Variants in PCCA observed in about 807,000 individuals in gnomAD.
PCCA encodes the protein propionyl-CoA carboxylase alpha chain, mitochondrial.
Under a neutral mutation model 101.3 loss-of-function variants are expected in PCCA, and 74 were observed. The observed-to-expected ratio is 0.73, with a 90% CI of 0.61 to 0.89. The LOEUF (loss-of-function observed/expected upper bound fraction) is 0.89, where lower values mean the gene tolerates loss of function less well. Among genes scored for constraint, PCCA ranks in the 40% least tolerant of loss-of-function variants. The probability of loss-of-function intolerance (pLI) is 0.00; values close to 1 mark genes in which losing one functional copy is unlikely to be tolerated. For missense variants in PCCA, 891 were observed against 907.0 expected, an observed-to-expected ratio of 0.98 and a Z score of 0.23; for synonymous variants, 294 against 313.6, an observed-to-expected ratio of 0.94 and a Z score of 0.66.
chr13:100,232,979 A>G (rs915481609), intron 7 of PCCA, among the ~76,000 whole-genome samples: 4 of 152,166 alleles, frequency 2.6e-5, no homozygotes, highest in Non-Finnish European at 2.9e-5. Flanking sequence ...AAAGGCTAAT[A>G]TTTCATTTTA....
chr13:100,218,403 A>G (rs1214271967), intron 7 of PCCA, among the ~76,000 whole-genome samples: 16 of 150,496 alleles, frequency 1.1e-4, no homozygotes, highest in Admixed American at 2.0e-4. Flanking sequence ...ACTGGTCTTG[A>G]ACTCCTGACC....
intron 6 of PCCA, among the ~76,000 whole-genome samples, chr13:100,159,331 C>T (rs923288666): frequency 4.6e-5 from 7 of 151,778 alleles, no homozygotes; most frequent in Admixed American, 6.6e-5. Flanking sequence ...TGTCGTGATC[C>T]GCCCACCTCA....
chr13:100,516,929 GGTTTT>G (rs1188616292), intron 22 of PCCA, among the ~76,000 whole-genome samples: 4 of 151,922 alleles, frequency 2.6e-5, no homozygotes, highest in South Asian at 2.1e-4. Flanking sequence ...ACAATATAAG[GGTTTT>G]GTTTTGTTTT....
intron 6 of PCCA, among the ~76,000 whole-genome samples, chr13:100,175,908 T>C (rs1189180964): frequency 2.0e-5 from 3 of 152,212 alleles, no homozygotes; most frequent in African/African-American, 7.2e-5. Flanking sequence ...CATGGCAGAC[T>C]TCGTTAAAGT....
intron 5 of PCCA, among the ~76,000 whole-genome samples, chr13:100,155,496 C>T (rs1594417329): frequency 6.6e-6 from 1 of 152,152 alleles, no homozygotes; most frequent in African/African-American, 2.4e-5. Flanking sequence ...ATTACTTATA[C>T]CTAGTACACT....
chr13:100,187,713 CA>C (rs1161213566), intron 6 of PCCA, among the ~76,000 whole-genome samples: 1 of 151,978 alleles, frequency 6.6e-6, no homozygotes, highest in Non-Finnish European at 1.5e-5. Flanking sequence ...GGTACATGTG[CA>C]AGTTCGTTAC....
At chr13:100,150,791 G>A in intron 4 of PCCA, 1 of 1,586,278 alleles carries the variant, frequency 6.3e-7, no homozygotes, top group Non-Finnish European at 8.6e-7. Flanking sequence ...TTGCTCCTCT[G>A]CAACGGACTG....
chr13:100,381,191 T>G (rs1241388980), intron 19 of PCCA, among the ~76,000 whole-genome samples: 1 of 152,122 alleles, frequency 6.6e-6, no homozygotes, highest in Non-Finnish European at 1.5e-5. Context: ...GAGACTGTCT[T>G]GGCTAACACA....
chr13:100,513,023 C>T (rs1341721704), intron 21 of PCCA, among the ~76,000 whole-genome samples: 1 of 152,188 alleles, frequency 6.6e-6, no homozygotes, highest in Admixed American at 6.5e-5. Context: ...TTTTCTGGGG[C>T]ATCAAAAAGC....
At chr13:100,251,207 G>C (rs2061731362) in intron 8 of PCCA, among the ~76,000 whole-genome samples, 1 of 152,158 alleles carries the variant, frequency 6.6e-6, no homozygotes, top group African/African-American at 2.4e-5. Context: ...ATTTATAAGA[G>C]TTTCATACTA....
At chr13:100,400,534 A>G (rs2077275512) in intron 19 of PCCA, among the ~76,000 whole-genome samples, 1 of 150,924 alleles carries the variant, frequency 6.6e-6, no homozygotes, top group African/African-American at 2.4e-5. Context: ...CTTTGTGTCT[A>G]TATGTGACTA....
intron 20 of PCCA, among the ~76,000 whole-genome samples, chr13:100,442,892 A>AGGCTCT (rs1339593050): frequency 6.6e-6 from 1 of 152,130 alleles, no homozygotes; most frequent in African/African-American, 2.4e-5. Context: ...GGCAAAGCAG[A>AGGCTCT]GGCTCTGAAA....
At chr13:100,307,057 C>T (rs536729102) in intron 14 of PCCA, 135 bp from the exon 15 acceptor site, 23 of 681,718 alleles carry the variant, frequency 3.4e-5, no homozygotes, top group Non-Finnish European at 5.6e-5. Flanking sequence ...GATTGTTTTC[C>T]TATTTTCCAG....
At chr13:100,343,651 G>A (rs1039408324) in intron 18 of PCCA, among the ~76,000 whole-genome samples, 2 of 152,224 alleles carry the variant, frequency 1.3e-5, no homozygotes, top group African/African-American at 4.8e-5. Context: ...GAGTTTTATT[G>A]TTCTAAAACT....
intron 20 of PCCA, among the ~76,000 whole-genome samples, chr13:100,446,560 AG>A (rs1279538336): frequency 1.6e-4 from 24 of 152,204 alleles, no homozygotes; most frequent in African/African-American, 5.8e-4. Flanking sequence ...TGCCCAACAC[AG>A]TTGAGAGGTA....
At chr13:100,180,284 A>G (rs1175914394) in intron 6 of PCCA, among the ~76,000 whole-genome samples, 1 of 152,218 alleles carries the variant, frequency 6.6e-6, no homozygotes, top group Non-Finnish European at 1.5e-5. Flanking sequence ...TCTCTTGGGC[A>G]TCCACCTGTA....
chr13:100,330,011 G>T (rs531714079), intron 16 of PCCA, among the ~76,000 whole-genome samples: 1 of 152,288 alleles, frequency 6.6e-6, no homozygotes, highest in East Asian at 1.9e-4. Flanking sequence ...AAATTTGAAT[G>T]AGTTGGGCTA....
In PCCA at chr13:100,425,700, T is replaced by C. The variant is rs2079095215; in HGVS notation, c.1814T>C (p.Val605Ala). 1 of 1,613,776 alleles carries C rather than the reference T, an allele frequency of 6.2e-7. No homozygotes were observed. The highest frequency in any genetic ancestry group is 1.1e-5 in the South Asian group (1 of 91,070). Residue 605 changes from valine (V) to alanine (A), a missense_variant, in exon 20 of 24, where the codon GTC becomes GCC. Physicochemically the swap from Val to Ala is moderately conservative, Grantham distance 64 (BLOSUM62 0). Coordinates refer to ENST00000376285, the MANE Select transcript of PCCA (RefSeq NM_000282.4). ...AACCTGGCTTCGCCCTTATTGTCTGTCAGCGTTGATGGCACTCAGAGGACT... is the reference window on the plus strand; with the variant it reads ...AACCTGGCTTCGCCCTTATTGTCTGCCAGCGTTGATGGCACTCAGAGGACT... The part of the protein sequence containing the change: ...TWNLASPLLS[V>A]SVDGTQRTVQ...
At chr13:100,518,915 A>G (rs1032461319) in intron 22 of PCCA, among the ~76,000 whole-genome samples, 2 of 152,222 alleles carry the variant, frequency 1.3e-5, no homozygotes, top group Non-Finnish European at 2.9e-5. Context: ...TTAGAAATAT[A>G]TATATTTTCA....
Sources: gnomAD v4.1 joint callset for allele counts (sites outside exome capture counted in the v4.1 genomes callset) on GRCh38, gnomAD v4.1.1 for gene constraint, MANE v1.5 for transcripts, NCBI Gene and HGNC (gene_info 2026-07-23, HGNC 2026-07-21) for gene names.